BACH2: variants seen among roughly 807,000 people sequenced by gnomAD.
BACH2 encodes BACH transcriptional regulator 2.
BACH2 carries 5 observed loss-of-function variants against 61.8 expected under a neutral mutation model. The observed-to-expected ratio is 0.08, with a 90% CI of 0.04 to 0.17. The LOEUF is 0.17. Among genes scored for constraint, BACH2 ranks in the 10% least tolerant of loss-of-function variants. The probability of loss-of-function intolerance (pLI) is 1.00; values close to 1 mark genes in which losing one functional copy is unlikely to be tolerated. For synonymous variants in BACH2, 446 were observed against 440.1 expected (o/e 1.01, Z -0.17); for missense variants, 824 against 1,091.1 (o/e 0.76, Z 3.45).
At chr6:90,162,154 G>A (rs1045966911) in intron 4 of BACH2, among the ~76,000 whole-genome samples, 1 of 152,168 alleles carries the variant, frequency 6.6e-6, no homozygotes, top group Non-Finnish European at 1.5e-5. Context: ...AAGGGCAGGA[G>A]CCATACTGTC....
intron 1 of BACH2, among the ~76,000 whole-genome samples, chr6:90,291,641 T>C (rs1203800593): frequency 3.3e-5 from 5 of 151,862 alleles, no homozygotes; most frequent in Non-Finnish European, 7.4e-5. Context: ...AGTTGAGTTG[T>C]ATTTTGGGCA....
chr6:89,993,919 T>C (rs971268771), intron 6 of BACH2, among the ~76,000 whole-genome samples: 8 of 152,114 alleles, frequency 5.3e-5, no homozygotes, highest in Non-Finnish European at 1.2e-4. Context: ...CTTTTACTAT[T>C]AGTTTTTAAA....
At chr6:90,131,020 G>C (rs1391349871) in intron 4 of BACH2, among the ~76,000 whole-genome samples, 1 of 152,138 alleles carries the variant, frequency 6.6e-6, no homozygotes, top group East Asian at 1.9e-4. Context: ...GTCTTTTAGT[G>C]GGAAGAGTCA....
At chr6:90,215,093 T>C (rs1160845058) in intron 3 of BACH2, among the ~76,000 whole-genome samples, 1 of 152,152 alleles carries the variant, frequency 6.6e-6, no homozygotes, top group Non-Finnish European at 1.5e-5. Context: ...TTAGTGCAGC[T>C]TATTCTTTTT....
At chr6:90,014,193 T>C (rs1777888736) in intron 5 of BACH2, among the ~76,000 whole-genome samples, 1 of 151,918 alleles carries the variant, frequency 6.6e-6, no homozygotes, top group Non-Finnish European at 1.5e-5. Context: ...TACATAGTTT[T>C]TCTGGCCTGG....
chr6:90,183,453 T>C (rs1768236553), intron 4 of BACH2, among the ~76,000 whole-genome samples: 1 of 152,250 alleles, frequency 6.6e-6, no homozygotes, highest in Admixed American at 6.5e-5. Flanking sequence ...ATAACATTTA[T>C]TCCCTTATGA....
At chr6:90,187,208 G>C (rs1352907170) in intron 4 of BACH2, among the ~76,000 whole-genome samples, 1 of 152,206 alleles carries the variant, frequency 6.6e-6, no homozygotes, top group Non-Finnish European at 1.5e-5. Flanking sequence ...AGGAAACCTA[G>C]AGGCAAAATG....
At chr6:90,127,220 C>A (rs1297041857) in intron 4 of BACH2, among the ~76,000 whole-genome samples, 2 of 152,230 alleles carry the variant, frequency 1.3e-5, no homozygotes, top group Non-Finnish European at 2.9e-5. Flanking sequence ...CAAAGAGAGA[C>A]TGTGAAATGC....
chr6:90,090,678 G>C (rs1268273961), intron 4 of BACH2, among the ~76,000 whole-genome samples: 2 of 152,290 alleles, frequency 1.3e-5, no homozygotes, highest in Admixed American at 1.3e-4. Flanking sequence ...GTTAGATGTG[G>C]ACAGTGGGGG....
chr6:90,027,160 T>C (rs552456141), intron 5 of BACH2, among the ~76,000 whole-genome samples: 1 of 152,060 alleles, frequency 6.6e-6, no homozygotes, highest in African/African-American at 2.4e-5. Context: ...GGACCACCTG[T>C]CACCAAGCAG....
chr6:89,959,057 C>G (rs1192724222), intron 6 of BACH2, among the ~76,000 whole-genome samples: 1 of 150,796 alleles, frequency 6.6e-6, no homozygotes, highest in Non-Finnish European at 1.5e-5. Flanking sequence ...GTTTTATGCT[C>G]ATGAAGCTGG....
At chr6:90,190,498 T>C (rs1768532327) in intron 4 of BACH2, among the ~76,000 whole-genome samples, 1 of 152,218 alleles carries the variant, frequency 6.6e-6, no homozygotes. Flanking sequence ...GAAAAGCAGT[T>C]GTCTATAGTA....
intron 4 of BACH2, among the ~76,000 whole-genome samples, chr6:90,118,029 T>C (rs1783475219): frequency 6.6e-6 from 1 of 152,196 alleles, no homozygotes; most frequent in African/African-American, 2.4e-5. Context: ...ATATTTTTCA[T>C]TTATGACTCA....
chr6:90,165,910 A>T (rs910463929), intron 4 of BACH2, among the ~76,000 whole-genome samples: 1 of 152,230 alleles, frequency 6.6e-6, no homozygotes, highest in African/African-American at 2.4e-5. Flanking sequence ...AATTAATTCA[A>T]GATGGATTAA....
At chr6:90,005,674 G>GGCCTCAGAAACAATGACAGA (rs1250651353) in intron 6 of BACH2, among the ~76,000 whole-genome samples, 5 of 152,188 alleles carry the variant, frequency 3.3e-5, no homozygotes, top group African/African-American at 1.2e-4. Context: ...CTTCAAAGGA[G>GGCCTCAGAAACAATGACAGA]GCCTCAGAAA....
intron 6 of BACH2, among the ~76,000 whole-genome samples, chr6:90,006,286 A>C (rs1190711904): frequency 6.6e-6 from 1 of 152,154 alleles, no homozygotes; most frequent in African/African-American, 2.4e-5. Context: ...CTGTGCTGAG[A>C]ATTTTTGTAT....
At chr6:90,131,296 A>G (rs1784069996) in intron 4 of BACH2, among the ~76,000 whole-genome samples, 1 of 152,228 alleles carries the variant, frequency 6.6e-6, no homozygotes, top group African/African-American at 2.4e-5. Flanking sequence ...CAGCTGCTGA[A>G]TCAGAGTAGG....
At chr6:90,179,802 A>G (rs1768098054) in intron 4 of BACH2, among the ~76,000 whole-genome samples, 1 of 152,220 alleles carries the variant, frequency 6.6e-6, no homozygotes, top group African/African-American at 2.4e-5. Context: ...TAATCCTGCA[A>G]TCCCACTCCT....
intron 6 of BACH2, among the ~76,000 whole-genome samples, chr6:89,956,719 T>C (rs1042641366): frequency 2.0e-5 from 3 of 152,208 alleles, no homozygotes; most frequent in African/African-American, 7.2e-5. Flanking sequence ...CTCTGGACTA[T>C]GATAGGGATG....
Sources: gnomAD v4.1 joint callset for allele counts (sites outside exome capture counted in the v4.1 genomes callset) on GRCh38, gnomAD v4.1.1 for gene constraint, MANE v1.5 for transcripts, NCBI Gene and HGNC (gene_info 2026-07-23, HGNC 2026-07-21) for gene names.